The following CTNNA3 variants were observed in gnomAD, a reference collection of about 807,000 sequenced individuals.
CTNNA3 encodes catenin alpha 3.
A neutral mutation model predicts 95.7 loss-of-function variants in CTNNA3; 76 were observed. That is an observed-to-expected ratio of 0.79 (90% CI 0.66 to 0.96). CTNNA3 has a LOEUF of 0.96. CTNNA3 is among the 40% of genes least tolerant of loss of function. The probability of loss-of-function intolerance (pLI) is 0.00; values close to 1 mark genes in which losing one functional copy is unlikely to be tolerated. For missense variants in CTNNA3, 1,191 were observed against 1,089.8 expected (o/e 1.09, Z -1.31); for synonymous variants, 431 against 374.4 (o/e 1.15, Z -1.74).
At chr10:66,167,175 T>C (rs532490011) in intron 13 of CTNNA3, among the ~76,000 whole-genome samples, 5 of 152,270 alleles carry the variant, frequency 3.3e-5, no homozygotes, top group Admixed American at 6.5e-5. Context: ...CTGTGCTGTA[T>C]GTAAAAAAGA....
chr10:66,019,562 G>T (rs1218672204), intron 15 of CTNNA3, among the ~76,000 whole-genome samples: 3 of 151,940 alleles, frequency 2.0e-5, no homozygotes, highest in Non-Finnish European at 2.9e-5. Flanking sequence ...TGATTCCAAT[G>T]CTTCTGACAT....
intron 11 of CTNNA3, among the ~76,000 whole-genome samples, chr10:66,475,086 A>G (rs1839276047): frequency 6.6e-6 from 1 of 151,876 alleles, no homozygotes; most frequent in Non-Finnish European, 1.5e-5. Flanking sequence ...TTCTAGTTTC[A>G]TGTAACTTAA....
chr10:67,636,932 CTG>C, intron 2 of CTNNA3, among the ~76,000 whole-genome samples: 1 of 152,238 alleles, frequency 6.6e-6, no homozygotes, highest in South Asian at 2.1e-4. Flanking sequence ...AGCAGAAAAA[CTG>C]AAAATTCTAA....
chr10:66,739,939 T>C (rs1304907381), intron 9 of CTNNA3, among the ~76,000 whole-genome samples: 1 of 152,138 alleles, frequency 6.6e-6, no homozygotes, highest in East Asian at 1.9e-4. Context: ...TATTAAAACA[T>C]GAAGAACAAA....
At chr10:66,243,271 C>G (rs1186209507) in intron 13 of CTNNA3, among the ~76,000 whole-genome samples, 1 of 152,172 alleles carries the variant, frequency 6.6e-6, no homozygotes, top group East Asian at 1.9e-4. Context: ...GTAAAGCTGC[C>G]TCTTGTGGGG....
chr10:66,309,967 A>C (rs1206157792), intron 12 of CTNNA3, among the ~76,000 whole-genome samples: 3 of 149,654 alleles, frequency 2.0e-5, no homozygotes, highest in Non-Finnish European at 4.5e-5. Context: ...AATAAAAATA[A>C]AAATAAATTA....
rs367772031 is a variant in CTNNA3 at position 66,560,546 on chromosome 10, C to T, written c.1375-39773G>A. On this transcript the variant is annotated intron_variant, in intron 10 of 17. Transcript: ENST00000433211. ...CACCATTGCTATTGTTTTATCATGA[C>T]TTTTTTGTACTTTTATCATTTGGGA... Among the ~76,000 whole-genome samples, 27 of 152,130 alleles carry T rather than the reference C, an allele frequency of 1.8e-4. No homozygotes were observed. In the East Asian group the frequency reaches 5.0e-3, roughly 28 times the overall value.
chr10:66,357,868 C>T (rs80069451), intron 12 of CTNNA3, among the ~76,000 whole-genome samples: 4,276 of 152,122 alleles, frequency 0.028, 181 homozygotes, highest in African/African-American at 0.095. Context: ...TAAAAACAGT[C>T]TGACCATTTT....
At chr10:66,538,846 C>T (rs146674351) in intron 10 of CTNNA3, among the ~76,000 whole-genome samples, 2 of 152,210 alleles carry the variant, frequency 1.3e-5, no homozygotes, top group African/African-American at 4.8e-5. Context: ...TTTTTAGAGA[C>T]AGTTAATGTA....
At chr10:67,075,973 A>G (rs1856725886) in intron 7 of CTNNA3, among the ~76,000 whole-genome samples, 1 of 152,220 alleles carries the variant, frequency 6.6e-6, no homozygotes, top group Admixed American at 6.5e-5. Context: ...CCATTTTTAT[A>G]TAAACCTCTC....
chr10:67,602,608 C>T (rs1456829380), intron 3 of CTNNA3, among the ~76,000 whole-genome samples: 1 of 152,178 alleles, frequency 6.6e-6, no homozygotes, highest in Admixed American at 6.5e-5. Context: ...ATCCTAGAAT[C>T]AAGACTTCTC....
intron 11 of CTNNA3, among the ~76,000 whole-genome samples, chr10:66,462,024 G>T (rs1430637417): frequency 6.6e-6 from 1 of 151,820 alleles, no homozygotes; most frequent in African/African-American, 2.4e-5. Flanking sequence ...TGTTGGCCAG[G>T]CTGGTCTCAA....
Position 65,966,719 on chromosome 10 carries a change from A to C in CTNNA3, c.2293T>G (p.Leu765Val), listed in dbSNP as rs1238213207. 1 of 1,612,626 alleles carries C rather than the reference A, an allele frequency of 6.2e-7. No individual in the cohort carries two copies. Among genetic ancestry groups the C allele is most frequent in the Non-Finnish European group, 8.5e-7 (1 of 1,178,990 alleles). ...QCPDPSCKQD[L>V]LAYLEQIKFY... ...TTAATCTGTTCCAGGTAGGCCAACA[A>C]GTCCTGTTTACAAGATGGATCTGGG... The change falls in exon 17 of 18, where the codon TTG (leucine) becomes GTG (valine). Residue 765 changes from leucine to valine, a missense_variant. Transcript: ENST00000433211.
chr10:66,288,547 G>A (rs752296902), intron 12 of CTNNA3, among the ~76,000 whole-genome samples: 9 of 151,984 alleles, frequency 5.9e-5, no homozygotes, highest in Non-Finnish European at 1.2e-4. Context: ...GATATACGCT[G>A]CTATTTAACC....
At chr10:66,682,657 G>GCTAAAACTTATTTTT (rs55895851) in intron 9 of CTNNA3, among the ~76,000 whole-genome samples, 8 of 148,572 alleles carry the variant, frequency 5.4e-5, no homozygotes, top group Non-Finnish European at 9.0e-5. Context: ...TTTTATTTCT[G>GCTAAAACTTATTTTT]TTTTCTTTCT....
intron 10 of CTNNA3, among the ~76,000 whole-genome samples, chr10:66,605,973 A>T (rs1190522205): frequency 6.6e-6 from 1 of 152,160 alleles, no homozygotes; most frequent in Non-Finnish European, 1.5e-5. Flanking sequence ...CTTAAATGTA[A>T]ATGGGCTAAA....
intron 13 of CTNNA3, among the ~76,000 whole-genome samples, chr10:66,136,926 A>G (rs529182294): frequency 6.6e-6 from 1 of 152,196 alleles, no homozygotes; most frequent in South Asian, 2.1e-4. Context: ...GGTTCAAGCA[A>G]TTCTCCTGAC....
At chr10:66,163,897 T>A (rs1430163253) in intron 13 of CTNNA3, among the ~76,000 whole-genome samples, 1 of 152,182 alleles carries the variant, frequency 6.6e-6, no homozygotes, top group Non-Finnish European at 1.5e-5. Flanking sequence ...TGTGTAAAGA[T>A]CTTCAAATAG....
chr10:66,696,551 T>C (rs148736929), intron 9 of CTNNA3, among the ~76,000 whole-genome samples: 161 of 152,304 alleles, frequency 1.1e-3, no homozygotes, highest in Non-Finnish European at 2.0e-3. Context: ...AGTGAAATTT[T>C]AGGCATATTC....
Sources: allele counts gnomAD v4.1 joint callset (sites outside exome capture counted in the v4.1 genomes callset), GRCh38; gene constraint gnomAD v4.1.1; transcripts MANE v1.5; gene names NCBI Gene and HGNC (gene_info 2026-07-23, HGNC 2026-07-21).